The following CDH19 variants were observed in gnomAD, a reference collection of about 807,000 sequenced individuals.
CDH19 encodes the protein cadherin-19.
In CDH19, 67 loss-of-function variants were observed where a neutral mutation model predicts 64.2. The observed-to-expected ratio is 1.04, with a 90% CI of 0.86 to 1.28. CDH19 has a LOEUF of 1.28. CDH19 is among the 50% of genes most tolerant of loss of function. The probability of loss-of-function intolerance (pLI) is 0.00; values close to 1 mark genes in which losing one functional copy is unlikely to be tolerated. For missense variants in CDH19, 1,030 were observed against 929.0 expected, an observed-to-expected ratio of 1.11 and a Z score of -1.41; for synonymous variants, 346 against 319.3, an observed-to-expected ratio of 1.08 and a Z score of -0.89.
intron 1 of CDH19, among the ~76,000 whole-genome samples, chr18:66,588,209 T>G (rs1988632877): frequency 6.6e-6 from 1 of 152,128 alleles, no homozygotes; most frequent in African/African-American, 2.4e-5. Flanking sequence ...TGTGACCATG[T>G]GAGGGTGATC....
intron 8 of CDH19, among the ~76,000 whole-genome samples, chr18:66,532,948 T>C (rs1460055601): frequency 6.8e-6 from 1 of 147,006 alleles, no homozygotes; most frequent in Non-Finnish European, 1.5e-5. Context: ...AACATGTATA[T>C]ATTGGATTGC....
intron 3 of CDH19, among the ~76,000 whole-genome samples, chr18:66,563,841 A>C (rs1271298184): frequency 6.6e-6 from 1 of 151,848 alleles, no homozygotes; most frequent in Non-Finnish European, 1.5e-5. Context: ...TCACCTAAAA[A>C]CTAGGTCATT....
rs1398476892 is a variant in CDH19, at chr18:66,570,219, G to A, written c.196-1509C>T. On this transcript the variant is annotated intron_variant, in intron 2 of 11. Coordinates refer to ENST00000262150, the MANE Select transcript of CDH19 (RefSeq NM_021153.4). ...TGATATTATAATGAAGATAAATTAA[G>A]TTTAGTAATAAGTAAATATATTGCA... Among the ~76,000 whole-genome samples the A allele has an allele frequency of 2.0e-5, 3 of 151,460 alleles. No individual in the cohort carries two copies. The Admixed American group carries it at 2.0e-4, about 10-fold the overall frequency.
At chr18:66,589,787 T>G (rs1483301059) in intron 1 of CDH19, among the ~76,000 whole-genome samples, 2 of 151,954 alleles carry the variant, frequency 1.3e-5, no homozygotes, top group African/African-American at 4.8e-5. Context: ...ATATATATGT[T>G]TGTGTTGTGT....
chr18:66,564,663 T>A (rs1313322943), intron 3 of CDH19, among the ~76,000 whole-genome samples: 1 of 151,906 alleles, frequency 6.6e-6, no homozygotes, highest in African/African-American at 2.4e-5. Flanking sequence ...ATAAACAAAG[T>A]CTATTAACAC....
chr18:66,511,395 T>C (rs1460128172), intron 10 of CDH19, among the ~76,000 whole-genome samples, 173 bp downstream of exon 10: 1 of 151,698 alleles, frequency 6.6e-6, no homozygotes, highest in Non-Finnish European at 1.5e-5. Flanking sequence ...GAGTCAATAT[T>C]TTTAGAACTT....
chr18:66,520,029 TA>T (rs566447959), intron 9 of CDH19, among the ~76,000 whole-genome samples: 3 of 151,678 alleles, frequency 2.0e-5, no homozygotes, highest in African/African-American at 7.3e-5. Flanking sequence ...GCTAAAACTA[TA>T]AAAAATTAGC....
chr18:66,574,649 A>C (rs185450605), intron 1 of CDH19, among the ~76,000 whole-genome samples: 87 of 151,896 alleles, frequency 5.7e-4, no homozygotes, highest in African/African-American at 2.0e-3. Flanking sequence ...CAGTTTCTAG[A>C]ACCAATGAAA....
intron 7 of CDH19, among the ~76,000 whole-genome samples, chr18:66,541,070 T>C (rs1004923874): frequency 2.6e-5 from 4 of 152,168 alleles, no homozygotes; most frequent in Admixed American, 2.6e-4. Context: ...TAGTTTGTTA[T>C]TATAATTCAT....
intron 8 of CDH19, among the ~76,000 whole-genome samples, chr18:66,530,653 T>TTA (rs1555685414): frequency 1.3e-5 from 2 of 151,792 alleles, no homozygotes; most frequent in African/African-American, 4.8e-5. Context: ...CAAATTGATA[T>TTA]AAAAAAGACA....
intron 1 of CDH19, among the ~76,000 whole-genome samples, chr18:66,593,823 T>A (rs1988809958): frequency 6.6e-6 from 1 of 152,078 alleles, no homozygotes; most frequent in Non-Finnish European, 1.5e-5. Flanking sequence ...AATTGAAGGG[T>A]AACTGGAGGT....
intron 9 of CDH19, among the ~76,000 whole-genome samples, chr18:66,528,133 A>G (rs1212357850): frequency 6.6e-6 from 1 of 152,066 alleles, no homozygotes; most frequent in Non-Finnish European, 1.5e-5. Context: ...CATTTAAAGT[A>G]TCATTTATTA....
In CDH19 at chr18:66,604,001, C is replaced by A. The variant is rs2144655072; in HGVS notation, c.-160G>T. The A allele has an allele frequency of 6.6e-6, 1 of 152,228 alleles. No homozygotes were observed. Among genetic ancestry groups the A allele is most frequent in the Non-Finnish European group, 1.5e-5 (1 of 68,004 alleles). The allele number at this position is 152,228 out of a possible 1,614,324, so 9.4% of individuals were successfully genotyped here. A position where few individuals can be genotyped will look rare whatever the true frequency, so the allele number is the denominator to read the frequency against. ...AGTTCTGTGAAAACTGAACAGCAAA[C>A]TTCGTGTTGGACACATAAGGAAGAG... On this transcript the variant is annotated 5_prime_UTR_variant, in exon 1 of 12. Coordinates refer to ENST00000262150, the MANE Select transcript of CDH19 (RefSeq NM_021153.4).
At chr18:66,518,984 C>T (rs1985860940) in intron 9 of CDH19, among the ~76,000 whole-genome samples, 4 of 152,136 alleles carry the variant, frequency 2.6e-5, no homozygotes, top group Non-Finnish European at 5.9e-5. Context: ...ATCTTATGTA[C>T]CTGTAGTACA....
At chr18:66,564,421 C>A (rs971200069) in intron 3 of CDH19, among the ~76,000 whole-genome samples, 2 of 151,668 alleles carry the variant, frequency 1.3e-5, no homozygotes, top group Non-Finnish European at 2.9e-5. Context: ...ATGGTTATTG[C>A]AAGTGGAAGG....
chr18:66,522,307 A>AT (rs1282358423), intron 9 of CDH19, among the ~76,000 whole-genome samples: 1 of 151,620 alleles, frequency 6.6e-6, no homozygotes, highest in African/African-American at 2.4e-5. Context: ...CAATGGCGTG[A>AT]TGTTGGCTCA....
At chr18:66,517,875 A>C (rs563903344) in intron 9 of CDH19, among the ~76,000 whole-genome samples, 60 of 152,158 alleles carry the variant, frequency 3.9e-4, no homozygotes, top group Non-Finnish European at 7.4e-4. Context: ...GGTGTTTTTT[A>C]TATTTTTAAA....
At chr18:66,512,423 T>C (rs913025348) in intron 9 of CDH19, among the ~76,000 whole-genome samples, 6 of 151,512 alleles carry the variant, frequency 4.0e-5, no homozygotes, top group South Asian at 2.1e-4. Flanking sequence ...ATTGTGGAAA[T>C]TAAAGTAAAT....
chr18:66,575,319 T>C (rs1988234813), intron 1 of CDH19, among the ~76,000 whole-genome samples: 2 of 151,832 alleles, frequency 1.3e-5, no homozygotes, highest in African/African-American at 2.4e-5. Flanking sequence ...CTTTACTCAA[T>C]AAGGAGACCT....
Sources: gnomAD v4.1 joint callset for allele counts (sites outside exome capture counted in the v4.1 genomes callset) on GRCh38, gnomAD v4.1.1 for gene constraint, MANE v1.5 for transcripts, NCBI Gene and HGNC (gene_info 2026-07-23, HGNC 2026-07-21) for gene names.